Variants in CACNA2D3 observed in about 807,000 individuals in gnomAD.
The protein encoded by CACNA2D3 is calcium voltage-gated channel auxiliary subunit alpha2delta 3.
A neutral mutation model predicts 160.6 loss-of-function variants in CACNA2D3; 60 were observed. The ratio of observed to expected loss-of-function variants is 0.37; its 90% CI spans 0.30 to 0.46. CACNA2D3 has a LOEUF of 0.46. Ranked by LOEUF, CACNA2D3 falls within the 20% of genes least tolerant of loss-of-function variation. The pLI, the probability that CACNA2D3 is intolerant of heterozygous loss-of-function variation, is 1.00. For synonymous variants in CACNA2D3, 558 were observed against 492.9 expected (o/e 1.13, Z -1.75); for missense variants, 1,205 against 1,365.0 (o/e 0.88, Z 1.85).
At position 54,763,769 on chromosome 3, in the gene CACNA2D3, G is replaced by GTATATATATGTACATATATATGTA. The variant is rs71096448; in HGVS notation, c.1247-442_1247-441insATGTACATATATATGTATATATAT. ...TGTGCATATATATACACATATATATGTATATATGTACATATATATGTATAT... is the reference window on the plus strand; with the variant it reads ...TGTGCATATATATACACATATATATGTATATATATGTACATATATATGTATATATATGTACATATATATGTATAT... On this transcript the variant is annotated intron_variant, in intron 12 of 37. Transcript: ENST00000474759. Among the ~76,000 whole-genome samples, 23 of 49,306 alleles carry GTATATATATGTACATATATATGTA rather than the reference G, an allele frequency of 4.7e-4. 4 individuals carry two copies. Among genetic ancestry groups the GTATATATATGTACATATATATGTA allele is most frequent in the East Asian group, 2.7e-3 (6 of 2,184 alleles). The allele number at this position is 49,306 out of a possible 152,430, so 32.3% of individuals were successfully genotyped here. A position where few individuals can be genotyped will look rare whatever the true frequency, so the allele number is the denominator to read the frequency against.
chr3:54,694,730 G>T (rs938274077), intron 11 of CACNA2D3, among the ~76,000 whole-genome samples: 1 of 152,190 alleles, frequency 6.6e-6, no homozygotes, highest in Non-Finnish European at 1.5e-5. Flanking sequence ...TTCCCTGTAA[G>T]AGGGTCCACA....
intron 9 of CACNA2D3, among the ~76,000 whole-genome samples, chr3:54,582,306 T>C (rs1322676714): frequency 1.3e-5 from 2 of 152,166 alleles, no homozygotes; most frequent in African/African-American, 4.8e-5. Context: ...TTTTCAAGGA[T>C]AGGAATGCTG....
At chr3:54,329,624 C>T (rs1041482492) in intron 3 of CACNA2D3, among the ~76,000 whole-genome samples, 1 of 152,110 alleles carries the variant, frequency 6.6e-6, no homozygotes, top group Admixed American at 6.5e-5. Context: ...GAAAACAATG[C>T]CTCTTAATTT....
At chr3:54,736,057 GTATGTATATATATATAC>G in intron 11 of CACNA2D3, among the ~76,000 whole-genome samples, 1 of 42,842 alleles carries the variant, frequency 2.3e-5, no homozygotes, top group Non-Finnish European at 4.6e-5. Flanking sequence ...ACATACATAT[GTATGTATATATATATAC>G]ATATATATGT....
intron 11 of CACNA2D3, among the ~76,000 whole-genome samples, chr3:54,726,245 C>T (rs372348440): frequency 6.6e-6 from 1 of 152,038 alleles, no homozygotes; most frequent in Non-Finnish European, 1.5e-5. Flanking sequence ...AAAACCAGCG[C>T]TCAAGGAAAT....
chr3:54,370,346 TA>T (rs1285088914), intron 3 of CACNA2D3, among the ~76,000 whole-genome samples: 1 of 152,238 alleles, frequency 6.6e-6, no homozygotes, highest in East Asian at 1.9e-4. Flanking sequence ...TTTATCTCAA[TA>T]ATATTTATTT....
intron 4 of CACNA2D3, among the ~76,000 whole-genome samples, chr3:54,500,269 T>C (rs981594647): frequency 3.3e-5 from 5 of 152,218 alleles, no homozygotes; most frequent in African/African-American, 1.2e-4. Flanking sequence ...CCCTTTACTT[T>C]TAATATATCT....
At chr3:54,480,409 TCTTTA>T (rs1394433341) in intron 4 of CACNA2D3, among the ~76,000 whole-genome samples, 1 of 152,136 alleles carries the variant, frequency 6.6e-6, no homozygotes, top group African/African-American at 2.4e-5. Context: ...AGTCGCAAGT[TCTTTA>T]CTTCTTAGAT....
At chr3:54,500,010 C>T (rs1559498510) in intron 4 of CACNA2D3, among the ~76,000 whole-genome samples, 1 of 152,128 alleles carries the variant, frequency 6.6e-6, no homozygotes, top group Admixed American at 6.6e-5. Context: ...ACTATAATAG[C>T]TAGTTCATCT....
chr3:54,974,408 A>G (rs1342559518), intron 29 of CACNA2D3, among the ~76,000 whole-genome samples: 1 of 152,238 alleles, frequency 6.6e-6, no homozygotes, highest in Non-Finnish European at 1.5e-5. Context: ...TTGAGGTCAC[A>G]CCGACAGCAG....
Position 54,130,921 on chromosome 3 carries a change from G to A in CACNA2D3, c.204+7327G>A, listed in dbSNP as rs572664270. Among the ~76,000 whole-genome samples, 28 of 152,304 alleles carry A rather than the reference G, an allele frequency of 1.8e-4. No homozygotes were observed. In the South Asian group the frequency reaches 3.1e-3, roughly 17 times the overall value. Reference sequence around the variant, plus strand: ...CCAGATCTGACATTTCCTCTTCAGCGTTGCCTTGTAGTTTAACATTTCTGA... The same window carrying A: ...CCAGATCTGACATTTCCTCTTCAGCATTGCCTTGTAGTTTAACATTTCTGA... On this transcript the variant is annotated intron_variant, in intron 2 of 37. Transcript: ENST00000474759.
intron 4 of CACNA2D3, among the ~76,000 whole-genome samples, chr3:54,388,150 C>T (rs1463924485): frequency 6.6e-6 from 1 of 152,210 alleles, no homozygotes; most frequent in Non-Finnish European, 1.5e-5. Flanking sequence ...TGGCATACCC[C>T]AGAGCTGGCC....
At chr3:54,309,919 C>G (rs1703699042) in intron 2 of CACNA2D3, among the ~76,000 whole-genome samples, 1 of 151,946 alleles carries the variant, frequency 6.6e-6, no homozygotes, top group Admixed American at 6.6e-5. Context: ...TGCATCCTCT[C>G]TGCTTCCTCT....
chr3:54,769,834 G>T (rs1702287293), intron 13 of CACNA2D3, among the ~76,000 whole-genome samples: 1 of 152,114 alleles, frequency 6.6e-6, no homozygotes, highest in African/African-American at 2.4e-5. Context: ...GGAAAACATT[G>T]TTTGTTTAAC....
At chr3:54,635,934 GAA>G (rs1411936649) in intron 10 of CACNA2D3, among the ~76,000 whole-genome samples, 1 of 152,028 alleles carries the variant, frequency 6.6e-6, no homozygotes, top group Non-Finnish European at 1.5e-5. Flanking sequence ...CTTATTCAGT[GAA>G]AGTGTCTATT....
At chr3:54,291,486 C>G (rs946450331) in intron 2 of CACNA2D3, among the ~76,000 whole-genome samples, 2 of 152,058 alleles carry the variant, frequency 1.3e-5, no homozygotes, top group Non-Finnish European at 2.9e-5. Context: ...CATAGAACCT[C>G]TTGTCATTTT....
chr3:54,662,519 G>A (rs1699991256), intron 11 of CACNA2D3, among the ~76,000 whole-genome samples: 1 of 152,208 alleles, frequency 6.6e-6, no homozygotes, highest in Non-Finnish European at 1.5e-5. Flanking sequence ...GAACAGCCAA[G>A]AATTCCCTGT....
At chr3:54,402,695 TC>T (rs890307845) in intron 4 of CACNA2D3, among the ~76,000 whole-genome samples, 8 of 152,040 alleles carry the variant, frequency 5.3e-5, no homozygotes, top group African/African-American at 1.9e-4. Context: ...GACTTTAATA[TC>T]CCACTTTCAA....
In CACNA2D3 at chr3:55,074,136, G is replaced by C; in HGVS notation, c.3206G>C (p.Gly1069Ala). The C allele has an allele frequency of 6.2e-7, 1 of 1,613,792 alleles. No homozygotes were observed. The highest frequency in any genetic ancestry group is 1.3e-5 in the African/African-American group (1 of 75,014). Residue 1069 changes from glycine (G) to alanine (A), a missense_variant, in exon 38 of 38, where the codon GGT (glycine) becomes GCT (alanine). By Grantham distance (60) the Gly-to-Ala change is moderately conservative. Transcript: ENST00000474759. Reference protein sequence around the residue: ...HPEENARECGGAPSLQAQTVL... With the variant: ...HPEENARECGAAPSLQAQTVL... ...TAGGAGAATGCAAGGGAGTGTGGGGGTGCGCCGAGTCTCCAAGCCCAGACA... is the reference window on the plus strand; with the variant it reads ...TAGGAGAATGCAAGGGAGTGTGGGGCTGCGCCGAGTCTCCAAGCCCAGACA...
Sources: gnomAD v4.1 joint callset for allele counts (sites outside exome capture counted in the v4.1 genomes callset) on GRCh38, gnomAD v4.1.1 for gene constraint, MANE v1.5 for transcripts, NCBI Gene and HGNC (gene_info 2026-07-23, HGNC 2026-07-21) for gene names.